The following DCC variants were observed in gnomAD, a reference collection of about 807,000 sequenced individuals.
DCC encodes netrin receptor DCC.
DCC carries 58 observed loss-of-function variants against 172.5 expected under a neutral mutation model. The ratio of observed to expected loss-of-function variants is 0.34; its 90% CI spans 0.27 to 0.42. The LOEUF (loss-of-function observed/expected upper bound fraction) is 0.42, where lower values mean the gene tolerates loss of function less well. Among genes scored for constraint, DCC ranks in the 10% least tolerant of loss-of-function variants. The probability of loss-of-function intolerance (pLI) is 1.00; values close to 1 mark genes in which losing one functional copy is unlikely to be tolerated. For missense variants in DCC, 1,740 were observed against 1,791.0 expected, an observed-to-expected ratio of 0.97 and a Z score of 0.51; for synonymous variants, 709 against 644.5, an observed-to-expected ratio of 1.10 and a Z score of -1.52.
At chr18:53,088,618 A>G (rs1021519983) in intron 7 of DCC, among the ~76,000 whole-genome samples, 3 of 152,216 alleles carry the variant, frequency 2.0e-5, no homozygotes, top group Non-Finnish European at 4.4e-5. Flanking sequence ...AAATTAATGA[A>G]TCCAGTAGCT....
At chr18:53,382,762 C>G (rs951943046) in intron 15 of DCC, among the ~76,000 whole-genome samples, 1 of 152,064 alleles carries the variant, frequency 6.6e-6, no homozygotes, top group South Asian at 2.1e-4. Flanking sequence ...GGAGGGAAAG[C>G]AATTCACTGA....
intron 1 of DCC, among the ~76,000 whole-genome samples, chr18:52,680,760 T>G (rs988583737): frequency 6.6e-6 from 1 of 152,068 alleles, no homozygotes; most frequent in Non-Finnish European, 1.5e-5. Flanking sequence ...GATGGCCAAG[T>G]TTATATTCCC....
At chr18:52,377,443 G>A (rs1985396055) in intron 1 of DCC, among the ~76,000 whole-genome samples, 1 of 152,148 alleles carries the variant, frequency 6.6e-6, no homozygotes, top group African/African-American at 2.4e-5. Flanking sequence ...GAATGGCCAT[G>A]TGCTGTCACA....
At chr18:52,392,955 T>C (rs1039443766) in intron 1 of DCC, among the ~76,000 whole-genome samples, 1 of 152,114 alleles carries the variant, frequency 6.6e-6, no homozygotes, top group African/African-American at 2.4e-5. Context: ...ACAGATGTTA[T>C]TTTTCTTTGC....
intron 5 of DCC, among the ~76,000 whole-genome samples, chr18:53,044,648 T>G (rs1454644138): frequency 6.6e-6 from 1 of 151,906 alleles, no homozygotes; most frequent in Non-Finnish European, 1.5e-5. Context: ...ACAGCCTACA[T>G]TTCTGCCCCA....
intron 2 of DCC, among the ~76,000 whole-genome samples, chr18:52,772,256 AG>A (rs1285615944): frequency 3.9e-5 from 6 of 152,200 alleles, no homozygotes; most frequent in African/African-American, 1.4e-4. Flanking sequence ...TTTTAAGACT[AG>A]ACCATTGTAC....
intron 5 of DCC, among the ~76,000 whole-genome samples, chr18:52,929,945 T>C (rs927758980): frequency 4.6e-5 from 7 of 152,010 alleles, no homozygotes; most frequent in Admixed American, 3.9e-4. Flanking sequence ...ATGGCATCTT[T>C]CTTTGTGTGT....
chr18:53,512,035 G>A (rs566706088), intron 27 of DCC, among the ~76,000 whole-genome samples: 1 of 152,282 alleles, frequency 6.6e-6, no homozygotes, highest in Non-Finnish European at 1.5e-5. Flanking sequence ...AAAGACAGCA[G>A]TAACCTCTGC....
intron 19 of DCC, among the ~76,000 whole-genome samples, chr18:53,404,049 G>A (rs1485383997): frequency 6.6e-6 from 1 of 152,114 alleles, no homozygotes; most frequent in East Asian, 1.9e-4. Context: ...TTTTAAAACT[G>A]AGACTGGCTC....
At chr18:52,584,633 T>C (rs898118632) in intron 1 of DCC, among the ~76,000 whole-genome samples, 105 of 152,204 alleles carry the variant, frequency 6.9e-4, no homozygotes, top group African/African-American at 2.4e-3. Flanking sequence ...AGTTATTTGC[T>C]CAAGAGATAC....
intron 1 of DCC, among the ~76,000 whole-genome samples, chr18:52,684,506 T>C (rs1045253443): frequency 3.3e-5 from 5 of 152,064 alleles, no homozygotes; most frequent in African/African-American, 1.2e-4. Context: ...CTTTGTGTGG[T>C]GATCGTACAC....
intron 5 of DCC, among the ~76,000 whole-genome samples, chr18:53,057,079 T>TAAAAAAAAAAAAAAAAAAAAAAAAAAA: frequency 1.1e-5 from 1 of 89,328 alleles, no homozygotes; most frequent in Non-Finnish European, 2.1e-5. Flanking sequence ...CTTCTAAAAG[T>TAAAAAAAAAAAAAAAAAAAAAAAAAAA]AAAAAAAAAA....
In DCC at chr18:53,043,868, C is replaced by G. The variant is rs144785257; in HGVS notation, c.986-19437C>G. Among the ~76,000 whole-genome samples the G allele has an allele frequency of 3.4e-3, 519 of 152,008 alleles. 1 individual carries two copies. Among genetic ancestry groups the G allele is most frequent in the Middle Eastern group, 0.014 (4 of 294 alleles). On this transcript the variant is annotated intron_variant, in intron 5 of 28. Transcript: ENST00000442544. ...AGCCCTGCTATCCTCACACACCACA[C>G]TCACTATTCTGTGATGCCATTTAAC... is the stretch of plus-strand genomic sequence containing the variant.
intron 23 of DCC, among the ~76,000 whole-genome samples, chr18:53,457,836 A>G (rs1276248902): frequency 6.6e-6 from 1 of 152,232 alleles, no homozygotes; most frequent in Non-Finnish European, 1.5e-5. Flanking sequence ...CTGCTAAAAT[A>G]CAAAATAGAT....
At chr18:53,382,279 A>G (rs996289194) in intron 15 of DCC, among the ~76,000 whole-genome samples, 4 of 152,146 alleles carry the variant, frequency 2.6e-5, no homozygotes, top group African/African-American at 9.7e-5. Context: ...TTTTTGGTGC[A>G]TAGATGATTC....
intron 12 of DCC, among the ~76,000 whole-genome samples, chr18:53,251,682 T>TGC (rs1395419891): frequency 6.6e-6 from 1 of 151,928 alleles, no homozygotes; most frequent in East Asian, 1.9e-4. Context: ...AGTGTGTGTG[T>TGC]GCATGCAAGT....
At chr18:52,528,250 G>A (rs1056842053) in intron 1 of DCC, among the ~76,000 whole-genome samples, 1 of 152,084 alleles carries the variant, frequency 6.6e-6, no homozygotes, top group South Asian at 2.1e-4. Flanking sequence ...TGTTGCATGA[G>A]TTATAACATT....
chr18:53,131,392 C>T (rs976164333), intron 7 of DCC, among the ~76,000 whole-genome samples: 3 of 151,968 alleles, frequency 2.0e-5, no homozygotes, highest in Admixed American at 6.6e-5. Flanking sequence ...ATTTTTAGAT[C>T]AAATCTTGGA....
intron 1 of DCC, among the ~76,000 whole-genome samples, chr18:52,617,542 A>G (rs1201983166): frequency 6.6e-6 from 1 of 152,064 alleles, no homozygotes; most frequent in Non-Finnish European, 1.5e-5. Flanking sequence ...CTCTTTTTCA[A>G]GTTTTTGATT....
Sources: gnomAD v4.1 joint callset for allele counts (sites outside exome capture counted in the v4.1 genomes callset) on GRCh38, gnomAD v4.1.1 for gene constraint, MANE v1.5 for transcripts, NCBI Gene and HGNC (gene_info 2026-07-23, HGNC 2026-07-21) for gene names.